DNAJC3: variants seen among roughly 807,000 people sequenced by gnomAD.
DNAJC3 encodes dnaJ homolog subfamily C member 3.
Under a neutral mutation model 68.6 loss-of-function variants are expected in DNAJC3, and 38 were observed. The ratio of observed to expected loss-of-function variants is 0.55; its 90% CI spans 0.43 to 0.73. The LOEUF is 0.73. Ranked by LOEUF, DNAJC3 falls within the 30% of genes least tolerant of loss-of-function variation. The pLI is 0.00. For synonymous variants in DNAJC3, 203 were observed against 204.0 expected (o/e 1.00, Z 0.04); for missense variants, 526 against 591.9 (o/e 0.89, Z 1.16).
chr13:95,764,023 T>C (rs1882900411), intron 9 of DNAJC3, 70 bp downstream of exon 9: 1 of 1,558,322 alleles, frequency 6.4e-7, no homozygotes, highest in South Asian at 1.2e-5. Flanking sequence ...TTAAGCTTCC[T>C]TTTCCTTAAA....
Position 95,794,778 on chromosome 13 carries a change from A to AGAT in DNAJC3, c.*3750_*3752dup, listed in dbSNP as rs1423277118. 6.6e-6 allele frequency: 1 copy of AGAT among 152,184 alleles called. No individual in the cohort carries two copies. The highest frequency in any genetic ancestry group is 1.5e-5 in the Non-Finnish European group (1 of 68,036). The allele number at this position is 152,184 out of a possible 1,614,324, so 9.4% of individuals were successfully genotyped here. On this transcript the variant is annotated 3_prime_UTR_variant, in exon 12 of 12. Coordinates refer to ENST00000602402, the MANE Select transcript of DNAJC3 (RefSeq NM_006260.5). ...CGAGCAAGGAGGAGGTAAACATTGG[A>AGAT]GATGTTTGTGAAAATATTACTCTTG... is the stretch of plus-strand genomic sequence containing the variant.
At chr13:95,756,250 C>T (rs920295881) in intron 4 of DNAJC3, among the ~76,000 whole-genome samples, 4 of 152,108 alleles carry the variant, frequency 2.6e-5, no homozygotes, top group African/African-American at 9.7e-5. Context: ...GGGGTTTATC[C>T]GAAGTATTCA....
rs532855784 is a variant in DNAJC3, at chr13:95,740,294, G to T, written c.393+15042G>T. ...TCTGTGCCCTGCTCCCAGAGGTGGA[G>T]CCTACAGAGGCAGGCAGGCCTCCTT... On this transcript the variant is annotated intron_variant, in intron 4 of 11. Coordinates refer to ENST00000602402, the MANE Select transcript of DNAJC3 (RefSeq NM_006260.5). Among the ~76,000 whole-genome samples, 1,255 of 152,370 alleles carry T rather than the reference G, an allele frequency of 8.2e-3. 19 individuals are homozygous for T. The highest frequency in any genetic ancestry group is 0.028 in the African/African-American group (1,166 of 41,590).
chr13:95,693,790 C>A (rs968662046), intron 1 of DNAJC3: 2 of 152,150 alleles, frequency 1.3e-5, no homozygotes, highest in African/African-American at 4.8e-5. Context: ...TTGTACAACC[C>A]CTTGCTCAAG....
chr13:95,719,845 CTG>C (rs1311269678), intron 2 of DNAJC3, among the ~76,000 whole-genome samples: 1 of 152,150 alleles, frequency 6.6e-6, no homozygotes, highest in Non-Finnish European at 1.5e-5. Flanking sequence ...ACACAGTCCT[CTG>C]TGGAGATTTT....
At chr13:95,773,777 G>A (rs144341925) in intron 9 of DNAJC3, among the ~76,000 whole-genome samples, 25,434 of 122,518 alleles carry the variant, frequency 0.21, 3,181 homozygotes, top group Middle Eastern at 0.39. Flanking sequence ...TTGCTCTGTC[G>A]CCAGGCTGGA....
chr13:95,687,334 C>T (rs1880098724), intron 1 of DNAJC3, among the ~76,000 whole-genome samples: 1 of 152,140 alleles, frequency 6.6e-6, no homozygotes, highest in African/African-American at 2.4e-5. Context: ...AATTTGACCT[C>T]CTCTTGTCCC....
At chr13:95,743,322 T>C (rs1882205470) in intron 4 of DNAJC3, among the ~76,000 whole-genome samples, 1 of 152,246 alleles carries the variant, frequency 6.6e-6, no homozygotes, top group African/African-American at 2.4e-5. Flanking sequence ...TGAGTACTTA[T>C]AGACAGAAAA....
chr13:95,706,099 C>T (rs1260719966), intron 1 of DNAJC3, among the ~76,000 whole-genome samples: 1 of 152,172 alleles, frequency 6.6e-6, no homozygotes, highest in Admixed American at 6.5e-5. Flanking sequence ...CTGTTAAAGC[C>T]ACTTCCAGTT....
Position 95,791,235 on chromosome 13 carries a change from A to C in DNAJC3, c.*205A>C. The C allele has an allele frequency of 1.7e-6, 1 of 605,406 alleles. No homozygotes were observed. The highest frequency in any genetic ancestry group is 2.0e-5 in the South Asian group (1 of 49,500). 37.5% of individuals were successfully genotyped at this position (605,406 alleles called of 1,614,324 possible). A position where few individuals can be genotyped will look rare whatever the true frequency, so the allele number is the denominator to read the frequency against. ...CGGCAAGGAGGCAAGGAATGGTTCT[A>C]TTTCTGACAGAGCAGCCTGCATCTG... is the stretch of plus-strand genomic sequence containing the variant. On this transcript the variant is annotated 3_prime_UTR_variant, in exon 12 of 12. Coordinates refer to ENST00000602402, the MANE Select transcript of DNAJC3 (RefSeq NM_006260.5).
rs1881404783 is a variant in DNAJC3 at position 95,723,364 on chromosome 13, G to A, written c.316G>A (p.Ala106Thr). Residue 106 changes from alanine (A) to threonine (T), a missense_variant and splice_region_variant, in exon 3 of 12, where the codon GCA becomes ACA. Ala to Thr is a moderately conservative substitution (Grantham distance 58, BLOSUM62 0). Transcript: ENST00000602402. ...GATTCAATTGAAGATGGACTTCACTGCAGTAAGTATATCTCAACTTTCTTT... is the reference window on the plus strand; with the variant it reads ...GATTCAATTGAAGATGGACTTCACTACAGTAAGTATATCTCAACTTTCTTT... ...KVIQLKMDFT[A>T]ARLQRGHLLL... is the part of the protein sequence containing the mutation. 1.9e-6 allele frequency: 3 copies of A among 1,607,544 alleles called. No homozygotes were observed. Among genetic ancestry groups the A allele is most frequent in the Non-Finnish European group, 2.5e-6 (3 of 1,177,006 alleles).
At chr13:95,760,298 T>C (rs1882784758) in intron 6 of DNAJC3, 77 bp downstream of exon 6, 1 of 1,230,696 alleles carries the variant, frequency 8.1e-7, no homozygotes, top group South Asian at 2.3e-5. Flanking sequence ...TTTAACATTT[T>C]AATATTAAAT....
At chr13:95,735,033 A>G (rs1406230268) in intron 4 of DNAJC3, among the ~76,000 whole-genome samples, 2 of 145,006 alleles carry the variant, frequency 1.4e-5, no homozygotes, top group African/African-American at 5.1e-5. Context: ...ATGTGATCTC[A>G]TTGTTCAATT....
intron 2 of DNAJC3, among the ~76,000 whole-genome samples, chr13:95,717,949 T>C: frequency 6.6e-6 from 1 of 152,236 alleles, no homozygotes; most frequent in East Asian, 1.9e-4. Flanking sequence ...CAACATCATT[T>C]GTAATTGGCT....
rs1883876825 is a variant in DNAJC3 at position 95,793,891 on chromosome 13, T to C, written c.*2861T>C. 1 of 152,352 alleles carries C rather than the reference T, an allele frequency of 6.6e-6. No homozygotes were observed. The highest frequency in any genetic ancestry group is 1.5e-5 in the Non-Finnish European group (1 of 68,052). 9.4% of individuals were successfully genotyped at this position (152,352 alleles called of 1,614,324 possible). ...GGGTGGAGTTATCAGTGGTCTGTACTTTGTGGATATTTTGCCCAGCAGGAA... is the reference window on the plus strand; with the variant it reads ...GGGTGGAGTTATCAGTGGTCTGTACCTTGTGGATATTTTGCCCAGCAGGAA... On this transcript the variant is annotated 3_prime_UTR_variant, in exon 12 of 12. Transcript: ENST00000602402.
chr13:95,736,951 G>A (rs2139653816), intron 4 of DNAJC3, among the ~76,000 whole-genome samples: 1 of 151,192 alleles, frequency 6.6e-6, no homozygotes, highest in Middle Eastern at 3.4e-3. Context: ...GATATTGGCT[G>A]TGGGTTTGTC....
intron 4 of DNAJC3, among the ~76,000 whole-genome samples, chr13:95,737,295 G>A (rs1413183513): frequency 6.6e-6 from 1 of 152,060 alleles, no homozygotes; most frequent in African/African-American, 2.4e-5. Context: ...TTTTTGTTGT[G>A]TCCCTGCCTG....
At chr13:95,691,398 G>A (rs1308793735) in intron 1 of DNAJC3, among the ~76,000 whole-genome samples, 5 of 150,770 alleles carry the variant, frequency 3.3e-5, no homozygotes, top group African/African-American at 9.8e-5. Flanking sequence ...GGGCAGAGAC[G>A]CTCCTCACAT....
At chr13:95,704,502 T>C (rs1427106723) in intron 1 of DNAJC3, among the ~76,000 whole-genome samples, 1 of 152,210 alleles carries the variant, frequency 6.6e-6, no homozygotes, top group African/African-American at 2.4e-5. Context: ...AATCTTAGTG[T>C]CATGAGCACA....
Sources: gnomAD v4.1 joint callset for allele counts (sites outside exome capture counted in the v4.1 genomes callset) on GRCh38, gnomAD v4.1.1 for gene constraint, MANE v1.5 for transcripts, NCBI Gene and HGNC (gene_info 2026-07-23, HGNC 2026-07-21) for gene names.